SULF1: variants seen among roughly 807,000 people sequenced by gnomAD.
The protein encoded by SULF1 is extracellular sulfatase Sulf-1.
In SULF1, 46 loss-of-function variants were observed where a neutral mutation model predicts 110.5. The observed-to-expected ratio is 0.42, with a 90% CI of 0.33 to 0.53. The LOEUF is 0.53. Ranked by LOEUF, SULF1 falls within the 20% of genes least tolerant of loss-of-function variation. The probability of loss-of-function intolerance (pLI) is 0.12; values close to 1 mark genes in which losing one functional copy is unlikely to be tolerated. For missense variants in SULF1, 941 were observed against 1,094.2 expected (o/e 0.86, Z 1.98); for synonymous variants, 371 against 387.1 (o/e 0.96, Z 0.49).
chr8:69,658,800 C>T lies in SULF1; in HGVS notation c.*265C>T, dbSNP rs77871693. The T allele has an allele frequency of 0.035, 21,993 of 627,152 alleles. 553 individuals carry two copies. Among genetic ancestry groups the T allele is most frequent in the South Asian group, 0.086 (5,716 of 66,116 alleles). 38.8% of individuals were successfully genotyped at this position (627,152 alleles called of 1,614,324 possible). A position where few individuals can be genotyped will look rare whatever the true frequency, so the allele number is the denominator to read the frequency against. On this transcript the variant is annotated 3_prime_UTR_variant, in exon 23 of 23. Transcript: ENST00000402687. The stretch of plus-strand genomic sequence containing the variant: ...TGTCAATGGAGATGGCCTCTGCTGA[C>T]TCAGATGAAGACCCAAGGCATAAGG...
At chr8:69,469,351 T>G (rs1052579850) in intron 1 of SULF1, 2 of 152,132 alleles carry the variant, frequency 1.3e-5, no homozygotes, top group African/African-American at 4.8e-5. Context: ...AAGCGAAAAA[T>G]AATGGAGGTT....
intron 22 of SULF1, among the ~76,000 whole-genome samples, chr8:69,646,938 A>ATTT (rs532105097): frequency 0.012 from 1,138 of 97,654 alleles, 42 homozygotes; most frequent in African/African-American, 0.03. Flanking sequence ...GAGCCCTGGA[A>ATTT]TTTTTTTTTT....
chr8:69,634,134 T>C lies in SULF1; in HGVS notation c.2285-4368T>C, dbSNP rs558639835. ...TTTAAGATATTATCTTTTCTTCACCTGTATTTGATCTAATCTGGTTCATTC... is the reference window on the plus strand; with the variant it reads ...TTTAAGATATTATCTTTTCTTCACCCGTATTTGATCTAATCTGGTTCATTC... On this transcript the variant is annotated intron_variant, in intron 19 of 22. Transcript: ENST00000402687. Among the ~76,000 whole-genome samples the C allele has an allele frequency of 3.3e-5, 5 of 152,358 alleles. No individual in the cohort carries two copies. The East Asian group carries it at 9.6e-4, about 29-fold the overall frequency.
In SULF1 at chr8:69,510,598, G is replaced by T. The variant is rs575882991; in HGVS notation, c.-134+8630G>T. 2.7e-4 allele frequency among the ~76,000 whole-genome samples: 39 copies of T among 142,636 alleles called. No homozygotes were observed. The South Asian group carries it at 5.6e-3, about 20-fold the overall frequency. 93.6% of individuals were successfully genotyped at this position (142,636 alleles called of 152,430 possible). A position where few individuals can be genotyped will look rare whatever the true frequency, so the allele number is the denominator to read the frequency against. On this transcript the variant is annotated intron_variant, in intron 3 of 22. Coordinates refer to ENST00000402687, the MANE Select transcript of SULF1 (RefSeq NM_001128205.2). ...GCAGAAAATAATGTTTTTGTGTTGG[G>T]TTTTTTGGTGGGTTTTTTTTTGTTT...
chr8:69,514,794 A>C (rs1197564585), intron 3 of SULF1, among the ~76,000 whole-genome samples: 1 of 152,222 alleles, frequency 6.6e-6, no homozygotes, highest in Non-Finnish European at 1.5e-5. Context: ...CAGCCACAAC[A>C]AAAGAGTTAC....
Position 69,629,601 on chromosome 8 carries a change from G to A in SULF1, c.2206G>A (p.Gly736Arg). The stretch of plus-strand genomic sequence containing the variant: ...GAAGGAGAAGAGACGGCAGAGGAAG[G>A]GGGAAGAGTGCAGCCTGCCTGGCCT... ...ERKEKRRQRK[G>R]EECSLPGLTC... The change falls in exon 19 of 23, where the codon GGG (glycine) becomes AGG (arginine). Residue 736 changes from glycine (G) to arginine (R), a missense_variant. Transcript: ENST00000402687. 6.2e-7 allele frequency: 1 copy of A among 1,613,986 alleles called. No individual in the cohort carries two copies. The highest frequency in any genetic ancestry group is 1.1e-5 in the South Asian group (1 of 91,062).
chr8:69,657,845 G>A (rs751592995), intron 22 of SULF1, among the ~76,000 whole-genome samples: 2 of 152,204 alleles, frequency 1.3e-5, no homozygotes, highest in Non-Finnish European at 2.9e-5. Flanking sequence ...AAAGATCTGA[G>A]AGAGAGAAAG....
At chr8:69,542,864 A>G (rs1430503103) in intron 3 of SULF1, among the ~76,000 whole-genome samples, 1 of 152,178 alleles carries the variant, frequency 6.6e-6, no homozygotes, top group Non-Finnish European at 1.5e-5. Flanking sequence ...CTCCAGGTCT[A>G]TATATTAATT....
chr8:69,656,366 GT>G (rs1812733416), intron 22 of SULF1, among the ~76,000 whole-genome samples: 1 of 152,140 alleles, frequency 6.6e-6, no homozygotes, highest in Non-Finnish European at 1.5e-5. Flanking sequence ...GCGCAGGTTT[GT>G]TACATAGGTA....
At chr8:69,502,661 T>A (rs1810885514) in intron 3 of SULF1, among the ~76,000 whole-genome samples, 1 of 151,146 alleles carries the variant, frequency 6.6e-6, no homozygotes, top group Non-Finnish European at 1.5e-5. Flanking sequence ...TTGCTTGATT[T>A]TTTTTTTCTT....
At chr8:69,615,231 A>T (rs1446886557) in intron 13 of SULF1, among the ~76,000 whole-genome samples, 1 of 152,178 alleles carries the variant, frequency 6.6e-6, no homozygotes, top group Non-Finnish European at 1.5e-5. Context: ...GACTATTTAA[A>T]TGGCTTGCTT....
At chr8:69,645,375 T>G (rs1002721409) in intron 22 of SULF1, among the ~76,000 whole-genome samples, 5 of 152,170 alleles carry the variant, frequency 3.3e-5, no homozygotes, top group Non-Finnish European at 7.3e-5. Flanking sequence ...CTCCCCAGGC[T>G]GCGGAATGAA....
rs1194304960 is a variant in SULF1, at chr8:69,658,768, C to T, written c.*233C>T. 4.6e-6 allele frequency: 3 copies of T among 650,794 alleles called. No homozygotes were observed. Among genetic ancestry groups the T allele is most frequent in the Admixed American group, 4.1e-5 (2 of 48,274 alleles). The allele number at this position is 650,794 out of a possible 1,614,324, so 40.3% of individuals were successfully genotyped here. A position where few individuals can be genotyped will look rare whatever the true frequency, so the allele number is the denominator to read the frequency against. On this transcript the variant is annotated 3_prime_UTR_variant, in exon 23 of 23. Transcript: ENST00000402687. ...CGGGTTCTTGGTTGTCTCTGCTGAG[C>T]ACGCTGTGTCAATGGAGATGGCCTC... is the stretch of plus-strand genomic sequence containing the variant.
At chr8:69,575,652 T>C (rs1193457832) in intron 5 of SULF1, among the ~76,000 whole-genome samples, 1 of 152,200 alleles carries the variant, frequency 6.6e-6, no homozygotes, top group African/African-American at 2.4e-5. Context: ...TCTCTGGTAA[T>C]CTTCAAAGGG....
intron 5 of SULF1, among the ~76,000 whole-genome samples, chr8:69,567,886 A>G (rs1168109669): frequency 6.6e-6 from 1 of 152,084 alleles, no homozygotes; most frequent in Non-Finnish European, 1.5e-5. Flanking sequence ...TGATACTCTT[A>G]TTTTTATTAT....
At chr8:69,580,614 A>T (rs551458830) in intron 6 of SULF1, among the ~76,000 whole-genome samples, 2 of 152,346 alleles carry the variant, frequency 1.3e-5, no homozygotes, top group South Asian at 4.1e-4. Flanking sequence ...CATGGTAATT[A>T]TAATATTGAT....
At chr8:69,489,964 T>A (rs558188534), upstream of SULF1, among the ~76,000 whole-genome samples, 435 of 152,270 alleles carry the variant, frequency 2.9e-3, 5 homozygotes, top group Non-Finnish European at 2.9e-3. Context: ...CTTGAGATGT[T>A]CAGGCTCTGT....
chr8:69,627,581 TTATC>T (rs1291855115), intron 16 of SULF1, among the ~76,000 whole-genome samples, 187 bp from the exon 17 acceptor site: 5 of 152,248 alleles, frequency 3.3e-5, no homozygotes, highest in Non-Finnish European at 7.3e-5. Context: ...CTGCTAATGT[TTATC>T]TATAACACAT....
intron 6 of SULF1, among the ~76,000 whole-genome samples, chr8:69,578,342 GTTTA>G (rs997391181): frequency 3.8e-4 from 58 of 152,038 alleles, no homozygotes; most frequent in Non-Finnish European, 7.4e-4. Context: ...TTATTTATTT[GTTTA>G]TTTATTTTAT....
Sources: gnomAD v4.1 joint callset for allele counts (sites outside exome capture counted in the v4.1 genomes callset) on GRCh38, gnomAD v4.1.1 for gene constraint, MANE v1.5 for transcripts, NCBI Gene and HGNC (gene_info 2026-07-23, HGNC 2026-07-21) for gene names.